DCLK1: variants seen among roughly 807,000 people sequenced by gnomAD.
The protein encoded by DCLK1 is serine/threonine-protein kinase DCLK1.
DCLK1 carries 16 observed loss-of-function variants against 86.2 expected under a neutral mutation model. That is an observed-to-expected ratio of 0.19 (90% CI 0.13 to 0.28). DCLK1 has a LOEUF of 0.28. Ranked by LOEUF, DCLK1 falls within the 10% of genes least tolerant of loss-of-function variation. The probability of loss-of-function intolerance (pLI) is 1.00; values close to 1 mark genes in which losing one functional copy is unlikely to be tolerated. For missense variants in DCLK1, 590 were observed against 940.2 expected (o/e 0.63, Z 4.87); for synonymous variants, 369 against 370.5 (o/e 1.00, Z 0.05).
chr13:35,810,778 T>G (rs749596026), intron 12 of DCLK1, 57 bp downstream of exon 12: 108 of 1,591,404 alleles, frequency 6.8e-5, no homozygotes, highest in Non-Finnish European at 8.9e-5. Flanking sequence ...TTTCCTATTC[T>G]CGAAGCGGGC....
At chr13:36,124,602 C>T (rs1886104781) in intron 2 of DCLK1, among the ~76,000 whole-genome samples, 1 of 152,190 alleles carries the variant, frequency 6.6e-6, no homozygotes, top group South Asian at 2.1e-4. Flanking sequence ...GGGAGAGCAG[C>T]CCCCAACTCC....
intron 4 of DCLK1, among the ~76,000 whole-genome samples, chr13:35,907,744 T>C (rs114692616): frequency 0.011 from 1,654 of 151,710 alleles, 37 homozygotes; most frequent in African/African-American, 0.037. Context: ...GGGGACACTA[T>C]GGCTCAGAGG....
At chr13:35,908,481 G>A (rs1487132317) in intron 4 of DCLK1, among the ~76,000 whole-genome samples, 1 of 152,176 alleles carries the variant, frequency 6.6e-6, no homozygotes, top group Non-Finnish European at 1.5e-5. Context: ...CTTTGTTGGG[G>A]CATGATTTAG....
At chr13:35,929,506 AC>A (rs1238588050) in intron 4 of DCLK1, among the ~76,000 whole-genome samples, 33 of 152,322 alleles carry the variant, frequency 2.2e-4, no homozygotes, top group Non-Finnish European at 4.4e-4. Flanking sequence ...AAAGGCAATC[AC>A]TGGCTCAGTT....
At chr13:35,942,476 C>A (rs760739971) in intron 4 of DCLK1, among the ~76,000 whole-genome samples, 3 of 152,210 alleles carry the variant, frequency 2.0e-5, no homozygotes, top group Admixed American at 2.0e-4. Context: ...AGCCACTGCG[C>A]CTGGCCTCAA....
At chr13:35,907,695 C>A (rs911829552) in intron 4 of DCLK1, among the ~76,000 whole-genome samples, 1 of 152,118 alleles carries the variant, frequency 6.6e-6, no homozygotes, top group Non-Finnish European at 1.5e-5. Flanking sequence ...CATTTCTCTG[C>A]ATTACAGTTG....
chr13:35,864,609 A>T (rs2153113134), intron 5 of DCLK1, among the ~76,000 whole-genome samples: 1 of 150,876 alleles, frequency 6.6e-6, no homozygotes, highest in African/African-American at 2.4e-5. Flanking sequence ...TCTAAATGGA[A>T]ATAAAAACTG....
chr13:35,785,027 G>C (rs2086595245), intron 16 of DCLK1, among the ~76,000 whole-genome samples: 1 of 152,192 alleles, frequency 6.6e-6, no homozygotes, highest in African/African-American at 2.4e-5. Context: ...TCAGGACGGT[G>C]CTTGAATCCA....
intron 3 of DCLK1, among the ~76,000 whole-genome samples, chr13:36,033,021 A>G (rs780523929): frequency 2.6e-5 from 4 of 152,234 alleles, no homozygotes; most frequent in Non-Finnish European, 4.4e-5. Flanking sequence ...GGTATTTCCC[A>G]TAAACAACAG....
intron 3 of DCLK1, among the ~76,000 whole-genome samples, chr13:35,984,921 ACAC>A (rs1879828692): frequency 6.6e-6 from 1 of 150,614 alleles, no homozygotes; most frequent in Admixed American, 6.7e-5. Context: ...ACACACACAC[ACAC>A]TTGAGAGGCC....
chr13:35,985,943 G>A (rs1366225892), intron 3 of DCLK1, among the ~76,000 whole-genome samples: 1 of 152,154 alleles, frequency 6.6e-6, no homozygotes, highest in Non-Finnish European at 1.5e-5. Flanking sequence ...AAAGTAAAAA[G>A]TCCAAACAAT....
rs140269668 is a variant in DCLK1 at position 35,936,962 on chromosome 13, C to CTTTTTTTTTTTTTTTT, written c.823+10380_823+10395dup. On this transcript the variant is annotated intron_variant, in intron 4 of 16. Transcript: ENST00000360631. ...TTAAAACATCCAAAAGAAAAGTTAG[C>CTTTTTTTTTTTTTTTT]TTTTTTTTTTTTTTTTTTTTTTTTT... Among the ~76,000 whole-genome samples the CTTTTTTTTTTTTTTTT allele has an allele frequency of 2.3e-3, 151 of 65,726 alleles. 10 individuals are homozygous for CTTTTTTTTTTTTTTTT. Among genetic ancestry groups the CTTTTTTTTTTTTTTTT allele is most frequent in the Middle Eastern group, 8.1e-3 (1 of 124 alleles). 43.1% of individuals were successfully genotyped at this position (65,726 alleles called of 152,430 possible).
At chr13:35,897,247 C>T (rs183440023) in intron 4 of DCLK1, among the ~76,000 whole-genome samples, 9 of 152,242 alleles carry the variant, frequency 5.9e-5, no homozygotes, top group Admixed American at 2.6e-4. Context: ...TGATCTAAAA[C>T]GATTTGCCTT....
chr13:35,849,373 T>C (rs528795920), intron 6 of DCLK1: 1 of 985,068 alleles, frequency 1.0e-6, no homozygotes, highest in Non-Finnish European at 1.2e-6. Context: ...AAAAAAATCA[T>C]GTAAAAGCCT....
intron 15 of DCLK1, among the ~76,000 whole-genome samples, chr13:35,804,416 G>A (rs1015991151): frequency 2.0e-5 from 3 of 151,782 alleles, no homozygotes; most frequent in Non-Finnish European, 4.4e-5. Context: ...TTACAGGCAT[G>A]AGTCACTGTG....
At position 35,822,458 on chromosome 13, in the gene DCLK1, C is replaced by G. The variant is rs550854242; in HGVS notation, c.1554+271G>C. 2.0e-5 allele frequency among the ~76,000 whole-genome samples: 3 copies of G among 152,080 alleles called. No homozygotes were observed. The East Asian group carries it at 5.8e-4, about 29-fold the overall frequency. On this transcript the variant is annotated intron_variant, in intron 11 of 16. Transcript: ENST00000360631. ...TAACTTGTCGCTATCTTGTCCTAGC[C>G]CAAGGTGTTCAATACAGCCCTACCC...
At chr13:36,074,997 A>G (rs770472396) in intron 3 of DCLK1, among the ~76,000 whole-genome samples, 65 of 152,268 alleles carry the variant, frequency 4.3e-4, no homozygotes, top group Admixed American at 9.8e-4. Context: ...AATTTCTGCC[A>G]GTGAAGTGGT....
intron 3 of DCLK1, among the ~76,000 whole-genome samples, chr13:35,949,643 C>G (rs1453751978): frequency 1.3e-5 from 2 of 152,174 alleles, no homozygotes; most frequent in Non-Finnish European, 2.9e-5. Flanking sequence ...TGATTGCTAA[C>G]CACATCCTAC....
intron 3 of DCLK1, among the ~76,000 whole-genome samples, chr13:35,952,648 T>C (rs1877761951): frequency 1.3e-5 from 2 of 152,212 alleles, no homozygotes; most frequent in South Asian, 2.1e-4. Flanking sequence ...ATGTGTAATA[T>C]ATGCAATTCA....
Sources: gnomAD v4.1 joint callset for allele counts (sites outside exome capture counted in the v4.1 genomes callset) on GRCh38, gnomAD v4.1.1 for gene constraint, MANE v1.5 for transcripts, NCBI Gene and HGNC (gene_info 2026-07-23, HGNC 2026-07-21) for gene names.